Variants in CDH4 observed in about 807,000 individuals in gnomAD.
CDH4 encodes the protein cadherin 4.
A neutral mutation model predicts 86.0 loss-of-function variants in CDH4; 33 were observed. The observed-to-expected ratio is 0.38, with a 90% CI of 0.29 to 0.51. The LOEUF is 0.51. Among genes scored for constraint, CDH4 ranks in the 20% least tolerant of loss-of-function variants. The pLI, the probability that CDH4 is intolerant of heterozygous loss-of-function variation, is 0.86. For missense variants in CDH4, 1,114 were observed against 1,307.4 expected (o/e 0.85, Z 2.28); for synonymous variants, 555 against 549.4 (o/e 1.01, Z -0.14).
chr20:61,932,426 GCA>G (rs1055858887), intron 13 of CDH4, among the ~76,000 whole-genome samples: 5 of 152,162 alleles, frequency 3.3e-5, no homozygotes, highest in African/African-American at 9.7e-5. Context: ...ATGCATGCAC[GCA>G]CAGACACATG....
chr20:61,716,764 CT>C (rs2087960125), intron 2 of CDH4, among the ~76,000 whole-genome samples: 3 of 152,068 alleles, frequency 2.0e-5, no homozygotes, highest in African/African-American at 7.2e-5. Flanking sequence ...CAAAAATTAG[CT>C]AGGTGTTTGG....
intron 2 of CDH4, among the ~76,000 whole-genome samples, chr20:61,666,069 C>T (rs565105015): frequency 6.6e-6 from 1 of 151,800 alleles, no homozygotes; most frequent in Non-Finnish European, 1.5e-5. Context: ...GACGTTGGGG[C>T]CCAAATCCCA....
chr20:61,524,874 G>A (rs924925881), intron 2 of CDH4, among the ~76,000 whole-genome samples: 22 of 152,144 alleles, frequency 1.4e-4, no homozygotes, highest in Non-Finnish European at 8.8e-5. Flanking sequence ...ATTGAACAAA[G>A]TTTCCATGCC....
rs1332974267 is a variant in CDH4, at chr20:61,444,337, CTGTGTGTGT to C, written c.169+189401_169+189409del. Among the ~76,000 whole-genome samples, 11 of 91,310 alleles carry C rather than the reference CTGTGTGTGT, an allele frequency of 1.2e-4. No individual in the cohort carries two copies. The East Asian group carries it at 1.3e-3, about 11-fold the overall frequency. The allele number at this position is 91,310 out of a possible 152,430, so 59.9% of individuals were successfully genotyped here. A position where few individuals can be genotyped will look rare whatever the true frequency, so the allele number is the denominator to read the frequency against. The stretch of plus-strand genomic sequence containing the variant: ...TTTGTGTATCTGCACGTGTGTTTCT[CTGTGTGTGT>C]CTGTGTATATTTTTGTGTTTCTGCA... On this transcript the variant is annotated intron_variant, in intron 2 of 15. Transcript: ENST00000614565.
intron 2 of CDH4, among the ~76,000 whole-genome samples, chr20:61,453,171 T>G (rs1412556411): frequency 2.6e-5 from 4 of 152,198 alleles, no homozygotes; most frequent in Admixed American, 1.3e-4. Context: ...TATTAAGTAA[T>G]TTTAATGTCA....
At chr20:61,305,764 T>C (rs1411493453) in intron 2 of CDH4, among the ~76,000 whole-genome samples, 3 of 152,212 alleles carry the variant, frequency 2.0e-5, no homozygotes, top group African/African-American at 7.2e-5. Context: ...CTTGTCATTT[T>C]CATGAAAGAT....
intron 2 of CDH4, among the ~76,000 whole-genome samples, chr20:61,490,609 G>A (rs190876165): frequency 8.3e-4 from 127 of 152,218 alleles, no homozygotes; most frequent in African/African-American, 2.9e-3. Context: ...TGAGGCAGGA[G>A]AATCATTTGA....
At chr20:61,319,188 T>C (rs1461892389) in intron 2 of CDH4, among the ~76,000 whole-genome samples, 1 of 146,194 alleles carries the variant, frequency 6.8e-6, no homozygotes, top group Non-Finnish European at 1.5e-5. Context: ...TATAACATGT[T>C]ATAATAAATA....
intron 2 of CDH4, chr20:61,499,541 C>T (rs867327030): frequency 1.1e-5 from 14 of 1,282,770 alleles, no homozygotes; most frequent in Non-Finnish European, 1.4e-5. Context: ...TGGGCCACTT[C>T]TTTATCTAAC....
chr20:61,386,677 C>T (rs879637547), intron 2 of CDH4, among the ~76,000 whole-genome samples: 5 of 152,192 alleles, frequency 3.3e-5, no homozygotes, highest in Admixed American at 6.5e-5. Flanking sequence ...CTGGGGGTGA[C>T]GGTGTCTTCT....
chr20:61,559,073 C>A (rs1415392893), intron 2 of CDH4, among the ~76,000 whole-genome samples: 3 of 152,224 alleles, frequency 2.0e-5, no homozygotes, highest in Admixed American at 6.5e-5. Context: ...AATCCCAACA[C>A]TTTGGGAGGC....
rs562522606 is a variant in CDH4, at chr20:61,595,674, G to A, written c.170-147889G>A. Among the ~76,000 whole-genome samples, 10 of 152,354 alleles carry A rather than the reference G, an allele frequency of 6.6e-5. No homozygotes were observed. The East Asian group carries it at 1.9e-3, about 29-fold the overall frequency. ...TAGCCATGGTTCCGAGGCACCACGT[G>A]CATGAAAGTAGCGAGGCTCGTTTCG... On this transcript the variant is annotated intron_variant, in intron 2 of 15. Coordinates refer to ENST00000614565, the MANE Select transcript of CDH4 (RefSeq NM_001794.5).
intron 2 of CDH4, among the ~76,000 whole-genome samples, chr20:61,545,830 A>ATG (rs1156668220): frequency 3.7e-5 from 3 of 81,964 alleles, no homozygotes; most frequent in African/African-American, 9.4e-5. Flanking sequence ...ACATGTGTGT[A>ATG]TGTGTGTGTG....
At chr20:61,787,049 A>C (rs1600987620) in intron 4 of CDH4, among the ~76,000 whole-genome samples, 1 of 152,224 alleles carries the variant, frequency 6.6e-6, no homozygotes, top group South Asian at 2.1e-4. Context: ...CTGTCTGTGC[A>C]TGAAATGATG....
chr20:61,433,185 A>G (rs2085257883), intron 2 of CDH4, among the ~76,000 whole-genome samples: 1 of 152,116 alleles, frequency 6.6e-6, no homozygotes. Context: ...GTGAAGGGTC[A>G]ATGTTCTTCT....
At chr20:61,331,692 G>A (rs866593740) in intron 2 of CDH4, among the ~76,000 whole-genome samples, 3,974 of 132,060 alleles carry the variant, frequency 0.03, 5 homozygotes, top group Middle Eastern at 0.073. Context: ...CCGGCCACCT[G>A]CCCCAGAGCC....
intron 7 of CDH4, among the ~76,000 whole-genome samples, chr20:61,884,175 A>G (rs918456755): frequency 6.6e-6 from 1 of 152,148 alleles, no homozygotes; most frequent in Non-Finnish European, 1.5e-5. Context: ...TGTGGGGCGC[A>G]GTGCAGAGGC....
rs368822555 is a variant in CDH4, at chr20:61,592,651, C to T, written c.170-150912C>T. On this transcript the variant is annotated intron_variant, in intron 2 of 15. Transcript: ENST00000614565. ...CCCTCCACCCTGCTTTTCCTACAGG[C>T]CCGAGATAACAACCAGTATACTTTC... is the stretch of plus-strand genomic sequence containing the variant. 2.0e-5 allele frequency among the ~76,000 whole-genome samples: 3 copies of T among 152,152 alleles called. No homozygotes were observed. In the East Asian group the frequency reaches 5.8e-4, roughly 29 times the overall value.
At chr20:61,916,267 G>A (rs879454520) in intron 9 of CDH4, among the ~76,000 whole-genome samples, 35 of 152,234 alleles carry the variant, frequency 2.3e-4, no homozygotes, top group Admixed American at 5.2e-4. Flanking sequence ...CACAGGAGAT[G>A]TCCAGTATCT....
Sources: gnomAD v4.1 joint callset for allele counts (sites outside exome capture counted in the v4.1 genomes callset) on GRCh38, gnomAD v4.1.1 for gene constraint, MANE v1.5 for transcripts, NCBI Gene and HGNC (gene_info 2026-07-23, HGNC 2026-07-21) for gene names.